Variants in SLC14A2 observed in about 807,000 individuals in gnomAD.
The protein encoded by SLC14A2 is urea transporter 2.
In SLC14A2, 91 loss-of-function variants were observed where a neutral mutation model predicts 104.6. The ratio of observed to expected loss-of-function variants is 0.87; its 90% confidence interval spans 0.73 to 1.04. The LOEUF (loss-of-function observed/expected upper bound fraction) is 1.04, where lower values mean the gene tolerates loss of function less well. Among genes scored for constraint, SLC14A2 ranks in the 50% least tolerant of loss-of-function variants. The pLI is 0.00. For missense variants in SLC14A2, 1,189 were observed against 1,156.0 expected (o/e 1.03, Z -0.41); for synonymous variants, 476 against 466.4 (o/e 1.02, Z -0.27).
chr18:45,335,878 C>A (rs1051633851), intron 1 of SLC14A2, among the ~76,000 whole-genome samples: 2 of 152,164 alleles, frequency 1.3e-5, no homozygotes, highest in Non-Finnish European at 2.9e-5. Context: ...GTGCTAAATT[C>A]TTGCTGGTTC....
At chr18:45,674,346 A>G (rs1220914806) in intron 18 of SLC14A2, among the ~76,000 whole-genome samples, 1 of 152,228 alleles carries the variant, frequency 6.6e-6, no homozygotes, top group Non-Finnish European at 1.5e-5. Flanking sequence ...CTCTGTGAAC[A>G]TTATCTATAT....
intron 2 of SLC14A2, among the ~76,000 whole-genome samples, chr18:45,542,717 A>T (rs2043909073): frequency 6.6e-6 from 1 of 152,160 alleles, no homozygotes; most frequent in African/African-American, 2.4e-5. Flanking sequence ...CAGATGAAGC[A>T]TCTGAAACTG....
chr18:45,293,754 A>C (rs1599650256), intron 1 of SLC14A2, among the ~76,000 whole-genome samples: 1 of 152,156 alleles, frequency 6.6e-6, no homozygotes, highest in Non-Finnish European at 1.5e-5. Flanking sequence ...AATATATTTG[A>C]CTGTGGAAAA....
intron 2 of SLC14A2, among the ~76,000 whole-genome samples, chr18:45,586,721 T>A (rs567520982): frequency 2.2e-4 from 34 of 152,068 alleles, no homozygotes; most frequent in African/African-American, 8.2e-4. Context: ...CTTTCCTCCA[T>A]CTCCCAATCT....
At chr18:45,494,860 G>C (rs1172339898) in intron 2 of SLC14A2, among the ~76,000 whole-genome samples, 2 of 151,400 alleles carry the variant, frequency 1.3e-5, no homozygotes, top group African/African-American at 2.4e-5. Flanking sequence ...CCCGTTCTTG[G>C]TCTAAGGAAG....
rs146120680 is a variant in SLC14A2 at position 45,672,914 on chromosome 18, C to T, written c.2244C>T (p.Ile748=). The T allele has an allele frequency of 4.7e-4, 764 of 1,613,548 alleles. 3 individuals are homozygous for T. Among genetic ancestry groups the T allele is most frequent in the South Asian group, 1.6e-3 (147 of 90,958 alleles). The change falls in exon 17 of 20, where the codon ATC becomes ATT. Residue 748 remains isoleucine, a synonymous_variant. Transcript: ENST00000255226. The stretch of plus-strand genomic sequence containing the variant: ...TATGCCTACAGCTTTTGAGAGCCAT[C>T]CCCGTTGGAATTGGCCAAGTGTACG... ...EVQVPLLLRA[I]PVGIGQVYGC...
the SLC14A2 span, among the ~76,000 whole-genome samples, chr18:45,181,712 T>G: frequency 6.6e-6 from 1 of 152,200 alleles, no homozygotes; most frequent in Non-Finnish European, 1.5e-5. Context: ...AAATGATGTC[T>G]TCTGAAACAG....
chr18:45,381,555 A>G (rs1268382960), intron 1 of SLC14A2, among the ~76,000 whole-genome samples: 2 of 152,178 alleles, frequency 1.3e-5, no homozygotes, highest in African/African-American at 4.8e-5. Flanking sequence ...ACTTAAGTCC[A>G]TATTTTCTTT....
At chr18:45,577,374 C>G (rs951233163) in intron 2 of SLC14A2, among the ~76,000 whole-genome samples, 1 of 152,128 alleles carries the variant, frequency 6.6e-6, no homozygotes, top group Non-Finnish European at 1.5e-5. Context: ...ATCACTTCTG[C>G]TACTTTCTAT....
intron 2 of SLC14A2, among the ~76,000 whole-genome samples, chr18:45,578,687 T>C (rs1231676007): frequency 6.6e-6 from 1 of 152,214 alleles, no homozygotes; most frequent in African/African-American, 2.4e-5. Context: ...GTTATAGACA[T>C]AGCATTGAAT....
At chr18:45,180,279 G>A in the SLC14A2 span, among the ~76,000 whole-genome samples, 1 of 152,178 alleles carries the variant, frequency 6.6e-6, no homozygotes. Context: ...CTGTGCCTCT[G>A]TTCATCTGTA....
At chr18:45,440,719 T>C (rs2035754088) in intron 1 of SLC14A2, among the ~76,000 whole-genome samples, 1 of 152,146 alleles carries the variant, frequency 6.6e-6, no homozygotes, top group African/African-American at 2.4e-5. Context: ...TTCTCATCTG[T>C]AATGAGGGGA....
At chr18:45,511,337 G>A (rs1287022966) in intron 2 of SLC14A2, among the ~76,000 whole-genome samples, 1 of 152,114 alleles carries the variant, frequency 6.6e-6, no homozygotes, top group Non-Finnish European at 1.5e-5. Context: ...TGAAATTCTA[G>A]AATTTATATA....
chr18:45,473,008 A>G (rs992214013), intron 1 of SLC14A2, among the ~76,000 whole-genome samples: 4 of 152,136 alleles, frequency 2.6e-5, no homozygotes, highest in Non-Finnish European at 5.9e-5. Context: ...CTGTGGTTTT[A>G]GGTCTTACAT....
At chr18:45,212,741 G>A (rs1187088535), upstream of SLC14A2, among the ~76,000 whole-genome samples, 2 of 152,180 alleles carry the variant, frequency 1.3e-5, no homozygotes, top group East Asian at 3.8e-4. Context: ...CACCCCAGGT[G>A]TACCCTTCAA....
chr18:45,459,812 C>T (rs1423652906), intron 1 of SLC14A2, among the ~76,000 whole-genome samples: 1 of 152,170 alleles, frequency 6.6e-6, no homozygotes, highest in Non-Finnish European at 1.5e-5. Context: ...TTTATAAGAA[C>T]CTATAAACAC....
chr18:45,540,311 G>A (rs11082450), intron 2 of SLC14A2, among the ~76,000 whole-genome samples: 24,906 of 151,948 alleles, frequency 0.16, 2,604 homozygotes, highest in African/African-American at 0.28. Context: ...GAGGACCTTC[G>A]CATTCCTTTC....
At chr18:45,370,716 A>G (rs1029527650) in intron 1 of SLC14A2, among the ~76,000 whole-genome samples, 5 of 152,136 alleles carry the variant, frequency 3.3e-5, no homozygotes, top group African/African-American at 4.8e-5. Context: ...ACAACATATT[A>G]TCTTGAGAAA....
chr18:45,175,776 C>A, the SLC14A2 span, among the ~76,000 whole-genome samples: 1 of 152,122 alleles, frequency 6.6e-6, no homozygotes, highest in Non-Finnish European at 1.5e-5. Context: ...GTAAAGGGTG[C>A]TGACAGCACA....
Sources: allele counts gnomAD v4.1 joint callset (sites outside exome capture counted in the v4.1 genomes callset), GRCh38; gene constraint gnomAD v4.1.1; transcripts MANE v1.5; gene names NCBI Gene and HGNC (gene_info 2026-07-23, HGNC 2026-07-21).